Variants in KIF26B observed in about 807,000 individuals in gnomAD.
The protein encoded by KIF26B is kinesin family member 26B.
Under a neutral mutation model 151.2 loss-of-function variants are expected in KIF26B, and 63 were observed. The observed-to-expected ratio is 0.42, with a 90% CI of 0.34 to 0.51. The LOEUF is 0.51. Among genes scored for constraint, KIF26B ranks in the 20% least tolerant of loss-of-function variants. The probability of loss-of-function intolerance (pLI) is 0.07; values close to 1 mark genes in which losing one functional copy is unlikely to be tolerated. For synonymous variants in KIF26B, 1,357 were observed against 1,262.1 expected, an observed-to-expected ratio of 1.08 and a Z score of -1.59; for missense variants, 2,813 against 2,913.6, an observed-to-expected ratio of 0.97 and a Z score of 0.79.
intron 4 of KIF26B, among the ~76,000 whole-genome samples, chr1:245,423,301 C>G (rs969269891): frequency 2.6e-5 from 4 of 152,046 alleles, no homozygotes; most frequent in Non-Finnish European, 5.9e-5. Context: ...CCCTGTGAGG[C>G]AGAGCCTACC....
intron 4 of KIF26B, among the ~76,000 whole-genome samples, chr1:245,511,475 T>G (rs958141034): frequency 3.9e-5 from 6 of 152,256 alleles, no homozygotes; most frequent in Non-Finnish European, 5.9e-5. Flanking sequence ...TGACATTGGC[T>G]CATATTAGAA....
chr1:245,348,768 T>C (rs1309893279), intron 2 of KIF26B, among the ~76,000 whole-genome samples: 1 of 152,134 alleles, frequency 6.6e-6, no homozygotes, highest in African/African-American at 2.4e-5. Flanking sequence ...TTCATCCCAC[T>C]CCAGCCACGC....
chr1:245,652,520 A>G (rs2044030828), intron 10 of KIF26B, among the ~76,000 whole-genome samples: 1 of 151,960 alleles, frequency 6.6e-6, no homozygotes, highest in Admixed American at 6.6e-5. Context: ...CGGTATCTTC[A>G]TATTTAGCTA....
intron 2 of KIF26B, among the ~76,000 whole-genome samples, chr1:245,175,563 C>T (rs1484964090): frequency 5.9e-5 from 9 of 152,068 alleles, no homozygotes; most frequent in African/African-American, 2.2e-4. Flanking sequence ...GGGCAAATTT[C>T]TGTTGGTTGA....
intron 10 of KIF26B, among the ~76,000 whole-genome samples, chr1:245,682,176 C>T (rs546758233): frequency 3.9e-5 from 6 of 151,926 alleles, no homozygotes; most frequent in African/African-American, 7.3e-5. Flanking sequence ...ACCTGGGAGG[C>T]GGAGATTGCA....
Position 245,685,855 on chromosome 1 carries a change from C to G in KIF26B, c.2872C>G (p.Gln958Glu). Residue 958 changes from glutamine to glutamate, a missense_variant, in exon 12 of 15, where the codon CAG (glutamine) becomes GAG (glutamate). By Grantham distance (29) the Gln-to-Glu change is conservative. Coordinates refer to ENST00000407071, the MANE Select transcript of KIF26B (RefSeq NM_018012.4). ...ACTGCCTGCTCAGTTTGGGCCAGAG[C>G]AGGCAAGCAGAGGCCCCCGGTTAAG... ...EELPAQFGPE[Q>E]ASRGPRLSQA... 1.2e-6 allele frequency: 2 copies of G among 1,612,740 alleles called. No homozygotes were observed. Among genetic ancestry groups the G allele is most frequent in the Non-Finnish European group, 1.7e-6 (2 of 1,179,770 alleles).
chr1:245,702,586 A>G lies in KIF26B; in HGVS notation c.6307A>G (p.Ile2103Val), dbSNP rs2044787465. 6.2e-7 allele frequency: 1 copy of G among 1,613,786 alleles called. No individual in the cohort carries two copies. The highest frequency in any genetic ancestry group is 1.3e-5 in the African/African-American group (1 of 74,922). Residue 2103 changes from isoleucine (I) to valine (V), a missense_variant, in exon 15 of 15, where the codon ATC becomes GTC. Coordinates refer to ENST00000407071, the MANE Select transcript of KIF26B (RefSeq NM_018012.4). The surrounding 1 kb of genome is among the most constrained non-coding windows in gnomAD (Gnocchi z 4.1). Reference sequence around the variant, plus strand: ...TCTCATGATGATCACCTGCTTCGACATCACCTCCAGGCGCCGGTAGATGAG... The same window carrying G: ...TCTCATGATGATCACCTGCTTCGACGTCACCTCCAGGCGCCGGTAGATGAG... ...AHLMMITCFD[I>V]TSRRR
intron 2 of KIF26B, among the ~76,000 whole-genome samples, chr1:245,171,398 G>C (rs1427949191): frequency 6.6e-6 from 1 of 152,128 alleles, no homozygotes; most frequent in African/African-American, 2.4e-5. Flanking sequence ...AAAAAAGTTA[G>C]CTGGGTGTGG....
At chr1:245,643,130 A>C (rs990264470) in intron 9 of KIF26B, among the ~76,000 whole-genome samples, 1 of 152,208 alleles carries the variant, frequency 6.6e-6, no homozygotes, top group African/African-American at 2.4e-5. Context: ...TGTATTTCTC[A>C]AGCATATAGT....
intron 2 of KIF26B, among the ~76,000 whole-genome samples, chr1:245,161,402 A>G (rs1446071683): frequency 6.6e-6 from 1 of 152,212 alleles, no homozygotes; most frequent in African/African-American, 2.4e-5. Flanking sequence ...CCCATTGCAG[A>G]TAGGATTACT....
intron 5 of KIF26B, among the ~76,000 whole-genome samples, chr1:245,581,816 CT>C (rs1182372525): frequency 2.0e-5 from 3 of 152,056 alleles, no homozygotes; most frequent in Non-Finnish European, 2.9e-5. Context: ...CTTTGGGAGG[CT>C]GAGGTGGGAG....
chr1:245,386,269 A>G (rs1479838787), intron 3 of KIF26B, among the ~76,000 whole-genome samples: 2 of 151,956 alleles, frequency 1.3e-5, no homozygotes, highest in Non-Finnish European at 2.9e-5. Context: ...GAAAAGTATC[A>G]GTTTAGCAAT....
chr1:245,174,307 C>T (rs1179576948), intron 2 of KIF26B, among the ~76,000 whole-genome samples: 1 of 152,112 alleles, frequency 6.6e-6, no homozygotes, highest in East Asian at 1.9e-4. Flanking sequence ...GTCATTGCCA[C>T]TATTTTCCCA....
At chr1:245,580,824 C>G (rs2043168502) in intron 5 of KIF26B, among the ~76,000 whole-genome samples, 2 of 152,230 alleles carry the variant, frequency 1.3e-5, no homozygotes, top group South Asian at 4.1e-4. Flanking sequence ...CCTGCCACCT[C>G]ATCTGTGGTT....
At chr1:245,632,411 G>A (rs1351731287) in intron 9 of KIF26B, among the ~76,000 whole-genome samples, 1 of 152,188 alleles carries the variant, frequency 6.6e-6, no homozygotes, top group Non-Finnish European at 1.5e-5. Context: ...TTTTAAAAAT[G>A]TGTTGAGAGT....
intron 9 of KIF26B, 119 bp downstream of exon 9, chr1:245,612,095 T>TGAGA (rs1372836126): frequency 2.3e-5 from 16 of 695,504 alleles, no homozygotes; most frequent in Middle Eastern, 3.7e-4. Context: ...TGTGTGTGTG[T>TGAGA]GTGTGTGTGT....
chr1:245,243,451 C>T (rs12403417), intron 2 of KIF26B, among the ~76,000 whole-genome samples: 83 of 142,198 alleles, frequency 5.8e-4, no homozygotes, highest in African/African-American at 2.0e-3. Flanking sequence ...TATATATACA[C>T]ACACACACAC....
rs116091784 is a variant in KIF26B at position 245,626,319 on chromosome 1, A to C, written c.2098+14343A>C. Among the ~76,000 whole-genome samples, 1,213 of 151,792 alleles carry C rather than the reference A, an allele frequency of 8.0e-3. 16 individuals carry two copies. Among genetic ancestry groups the C allele is most frequent in the African/African-American group, 0.027 (1,123 of 41,414 alleles). On this transcript the variant is annotated intron_variant, in intron 9 of 14. Transcript: ENST00000407071. ...TTGAGAAGCATCTATACTGTTTTCT[A>C]TACTGGCTGTACTAATTTACATTCC...
chr1:245,418,659 T>G (rs1658377681), intron 3 of KIF26B, among the ~76,000 whole-genome samples: 1 of 152,230 alleles, frequency 6.6e-6, no homozygotes, highest in Non-Finnish European at 1.5e-5. Context: ...GGTGACTTTT[T>G]TTCAACTAAA....
Sources: gnomAD v4.1 joint callset for allele counts (sites outside exome capture counted in the v4.1 genomes callset) on GRCh38, gnomAD v4.1.1 for gene constraint, Gnocchi (gnomAD v3.1) non-coding constraint, MANE v1.5 for transcripts, NCBI Gene and HGNC (gene_info 2026-07-23, HGNC 2026-07-21) for gene names.